Variants in LHX6 observed in about 807,000 individuals in gnomAD.
The protein encoded by LHX6 is LIM homeobox 6, also known as LIM/homeobox protein Lhx6.
A neutral mutation model predicts 47.1 loss-of-function variants in LHX6; 15 were observed. That is an observed-to-expected ratio of 0.32 (90% CI 0.21 to 0.49). LHX6 has a LOEUF of 0.49. Among genes scored for constraint, LHX6 ranks in the 20% least tolerant of loss-of-function variants. The pLI, the probability that LHX6 is intolerant of heterozygous loss-of-function variation, is 0.99. For synonymous variants in LHX6, 242 were observed against 233.5 expected (o/e 1.04, Z -0.33); for missense variants, 404 against 539.6 (o/e 0.75, Z 2.49).
At chr9:122,216,354 A>C (rs1244120596) in intron 5 of LHX6, among the ~76,000 whole-genome samples, 3 of 152,172 alleles carry the variant, frequency 2.0e-5, no homozygotes, top group Non-Finnish European at 4.4e-5. Context: ...TCCGTGGAAG[A>C]CCTGGATCTT....
chr9:122,228,614 C>G (rs1831211429), intron 1 of LHX6, 43 bp downstream of exon 1: 1 of 1,312,690 alleles, frequency 7.6e-7, no homozygotes, highest in Non-Finnish European at 9.7e-7. Flanking sequence ...GGACCCTGCC[C>G]GACCCCGGCC....
Position 122,227,492 on chromosome 9 carries a change from G to C in LHX6, c.85-12C>G. The stretch of plus-strand genomic sequence containing the variant: ...GGCTGGGCCATCACCTGGGGGAGGG[G>C]GGGAGGGAACGCAGGCGGCGGCGGC... On this transcript the variant is annotated splice_polypyrimidine_tract_variant and intron_variant, in intron 1 of 9. Coordinates refer to ENST00000394319, the MANE Select transcript of LHX6 (RefSeq NM_014368.5). 6.6e-7 allele frequency: 1 copy of C among 1,523,724 alleles called. No individual in the cohort carries two copies. The highest frequency in any genetic ancestry group is 8.8e-7 in the Non-Finnish European group (1 of 1,138,926). 94.4% of individuals were successfully genotyped at this position (1,523,724 alleles called of 1,614,324 possible). A position where few individuals can be genotyped will look rare whatever the true frequency, so the allele number is the denominator to read the frequency against.
chr9:122,224,626 GA>G (rs1414273871), intron 4 of LHX6, among the ~76,000 whole-genome samples: 1 of 151,910 alleles, frequency 6.6e-6, no homozygotes, highest in Non-Finnish European at 1.5e-5. Flanking sequence ...TGGGATTTCA[GA>G]ATCCCCTCAC....
intron 4 of LHX6, among the ~76,000 whole-genome samples, chr9:122,225,430 A>G (rs1270985221): frequency 1.3e-5 from 2 of 152,244 alleles, no homozygotes; most frequent in African/African-American, 4.8e-5. Flanking sequence ...CCTCGACCCC[A>G]TAATCAGGTC....
chr9:122,213,163 A>G lies in LHX6; in HGVS notation c.1054+443T>C, dbSNP rs1830455221. 6.6e-6 allele frequency among the ~76,000 whole-genome samples: 1 copy of G among 151,922 alleles called. No homozygotes were observed. Among genetic ancestry groups the G allele is most frequent in the South Asian group, 2.1e-4 (1 of 4,804 alleles). On this transcript the variant is annotated intron_variant, in intron 8 of 9. Coordinates refer to ENST00000394319, the MANE Select transcript of LHX6 (RefSeq NM_014368.5). This position sits in a 1 kb window ranked among gnomAD's most constrained non-coding sequence, Gnocchi z 5.5. ...GTCTCTGCTTGCTGAAAGGCAGCCC[A>G]GCCCCTTCCCTTCCACCCCGCAGCA... is the stretch of plus-strand genomic sequence containing the variant.
Position 122,213,715 on chromosome 9 carries a change from C to G in LHX6, c.945G>C (p.Ser315=), listed in dbSNP as rs11789619. 0.039 allele frequency: 62,319 copies of G among 1,612,060 alleles called. 1,369 individuals carry two copies. The highest frequency in any genetic ancestry group is 0.043 in the Non-Finnish European group (50,696 of 1,179,436). ...AGGGAAGGCGGGACGGGGGCGCCCCCGAGGGCGGCACTGGGTGTTGCGGCG... is the reference window on the plus strand; with the variant it reads ...AGGGAAGGCGGGACGGGGGCGCCCCGGAGGGCGGCACTGGGTGTTGCGGCG... ...KHTPQHPVPP[S]GAPPSRLPSA... is the part of the protein sequence containing the mutation. The change falls in exon 8 of 10, where the codon TCG becomes TCC. Residue 315 remains serine (S), a synonymous_variant. Transcript: ENST00000394319. The surrounding 1 kb of genome is among the most constrained non-coding windows in gnomAD (Gnocchi z 5.5).
chr9:122,221,208 G>T, intron 4 of LHX6: 2 of 984,774 alleles, frequency 2.0e-6, no homozygotes, highest in Non-Finnish European at 2.4e-6. Context: ...AAACCCGTAG[G>T]GGAAGAAGCC....
intron 9 of LHX6, 68 bp downstream of exon 9, chr9:122,209,546 G>A (rs1236665010): frequency 1.2e-6 from 2 of 1,605,132 alleles, no homozygotes; most frequent in African/African-American, 2.7e-5. Flanking sequence ...GTTAACAGAG[G>A]ATGCTGCCAG....
At chr9:122,207,836 C>T (rs990449450) in intron 9 of LHX6, among the ~76,000 whole-genome samples, 3 of 152,146 alleles carry the variant, frequency 2.0e-5, no homozygotes, top group African/African-American at 7.2e-5. Context: ...GTATTACACT[C>T]GCAGATCCCT....
Position 122,227,417 on chromosome 9 carries a change from G to A in LHX6, c.148C>T (p.Pro50Ser). The A allele has an allele frequency of 6.5e-7, 1 of 1,529,154 alleles. No homozygotes were observed. The highest frequency in any genetic ancestry group is 1.2e-5 in the South Asian group (1 of 83,744). The allele number at this position is 1,529,154 out of a possible 1,614,324, so 94.7% of individuals were successfully genotyped here. The change falls in exon 2 of 10, where the codon CCC becomes TCC. Residue 50 changes from proline (P) to serine (S), a missense_variant. Coordinates refer to ENST00000394319, the MANE Select transcript of LHX6 (RefSeq NM_014368.5). ...TTRCLEGTAP[P>S]AMAQSDAEAL... ...GGGCCAAACGGACTCACCATGGCGG[G>A]CGGCGCGGTCCCTTCAAGACAGCGG...
intron 9 of LHX6, among the ~76,000 whole-genome samples, chr9:122,206,135 A>G (rs1830168525): frequency 6.6e-6 from 1 of 152,214 alleles, no homozygotes; most frequent in African/African-American, 2.4e-5. Flanking sequence ...TTGTGGGATC[A>G]GGGGACACAA....
intron 1 of LHX6, chr9:122,228,353 C>G: frequency 6.5e-7 from 1 of 1,531,458 alleles, no homozygotes; most frequent in African/African-American, 1.4e-5. Flanking sequence ...CAACCCCCGG[C>G]GCATCGGCGC....
intron 4 of LHX6, among the ~76,000 whole-genome samples, chr9:122,225,403 C>T (rs1588362901): frequency 6.6e-6 from 1 of 152,378 alleles, no homozygotes; most frequent in Non-Finnish European, 1.5e-5. Flanking sequence ...GCAGACAAGG[C>T]CATGACCCTG....
At position 122,213,569 on chromosome 9, in the gene LHX6, C is replaced by A; in HGVS notation, c.1054+37G>T. On this transcript the variant is annotated intron_variant, in intron 8 of 9. Transcript: ENST00000394319. This position sits in a 1 kb window ranked among gnomAD's most constrained non-coding sequence, Gnocchi z 5.5. ...CGTGCGCTCCTCCGCGCCCCCTCCC[C>A]GCAGGCCCAGCGGCTCCCGGCGCTG... The A allele has an allele frequency of 6.6e-7, 1 of 1,516,994 alleles. No individual in the cohort carries two copies. The highest frequency in any genetic ancestry group is 8.8e-7 in the Non-Finnish European group (1 of 1,137,132). The allele number at this position is 1,516,994 out of a possible 1,614,324, so 94.0% of individuals were successfully genotyped here.
intron 9 of LHX6, among the ~76,000 whole-genome samples, chr9:122,208,440 C>T (rs571228197): frequency 1.3e-5 from 2 of 152,326 alleles, no homozygotes; most frequent in South Asian, 2.1e-4. Flanking sequence ...GTAGGGACCA[C>T]ACTTTACTTG....
At chr9:122,223,900 T>C (rs539283898) in intron 4 of LHX6, among the ~76,000 whole-genome samples, 1 of 152,304 alleles carries the variant, frequency 6.6e-6, no homozygotes, top group Admixed American at 6.5e-5. Context: ...AGAGGTGTCC[T>C]AGTGGTGCCT....
chr9:122,209,358 C>T (rs1478106105), intron 9 of LHX6, among the ~76,000 whole-genome samples: 2 of 152,372 alleles, frequency 1.3e-5, no homozygotes, highest in East Asian at 1.9e-4. Context: ...AGGAAATTCA[C>T]AAATCTAAGA....
intron 5 of LHX6, among the ~76,000 whole-genome samples, chr9:122,216,053 G>C (rs11791194): frequency 0.084 from 12,733 of 152,192 alleles, 698 homozygotes; most frequent in South Asian, 0.23. Context: ...AAGGTGGTGT[G>C]GTATGGTATG....
rs751619203 is a variant in LHX6 at position 122,214,318 on chromosome 9, G to C, written c.748C>G (p.Arg250Gly). The change falls in exon 6 of 10, where the codon CGC (arginine) becomes GGC (glycine). Residue 250 changes from arginine to glycine, a missense_variant. This residue lies in a region of LHX6 where 43 missense variants were observed against 84.7 expected (regional missense o/e 0.51). Coordinates refer to ENST00000394319, the MANE Select transcript of LHX6 (RefSeq NM_014368.5). The surrounding 1 kb of genome is among the most constrained non-coding windows in gnomAD (Gnocchi z 4.6). ...EQDSQPKPAK[R>G]ARTSFTAEQL... ...TCCGCGGTGAAGGACGTCCGCGCGC[G>C]CTTGGCCGGCTTGGGTTGACTGTCC... The C allele has an allele frequency of 6.3e-7, 1 of 1,599,670 alleles. No individual in the cohort carries two copies. The highest frequency in any genetic ancestry group is 8.5e-7 in the Non-Finnish European group (1 of 1,175,472).
Sources: gnomAD v4.1 joint callset for allele counts (sites outside exome capture counted in the v4.1 genomes callset) on GRCh38, gnomAD v4.1.1 for gene constraint, gnomAD v4.1.1 regional missense constraint, Gnocchi (gnomAD v3.1) non-coding constraint, MANE v1.5 for transcripts, NCBI Gene and HGNC (gene_info 2026-07-23, HGNC 2026-07-21) for gene names.